The following CNTN5 variants were observed in gnomAD, a reference collection of about 807,000 sequenced individuals.
CNTN5 encodes the protein contactin 5.
CNTN5 carries 77 observed loss-of-function variants against 129.1 expected under a neutral mutation model. The ratio of observed to expected loss-of-function variants is 0.60; its 90% CI spans 0.50 to 0.72. The LOEUF (loss-of-function observed/expected upper bound fraction) is 0.72, where lower values mean the gene tolerates loss of function less well. Among genes scored for constraint, CNTN5 ranks in the 30% least tolerant of loss-of-function variants. The probability of loss-of-function intolerance (pLI) is 0.00; values close to 1 mark genes in which losing one functional copy is unlikely to be tolerated. For synonymous variants in CNTN5, 509 were observed against 465.6 expected, an observed-to-expected ratio of 1.09 and a Z score of -1.20; for missense variants, 1,478 against 1,328.8, an observed-to-expected ratio of 1.11 and a Z score of -1.75.
intron 1 of CNTN5, among the ~76,000 whole-genome samples, chr11:99,213,405 CATAT>C (rs1591367532): frequency 1.7e-5 from 2 of 118,022 alleles, no homozygotes; most frequent in Non-Finnish European, 1.7e-5. Context: ...TATATATACA[CATAT>C]ATGTATATAC....
chr11:99,122,624 TACAG>T (rs1008143902), intron 1 of CNTN5, among the ~76,000 whole-genome samples: 2 of 152,120 alleles, frequency 1.3e-5, no homozygotes, highest in Non-Finnish European at 2.9e-5. Context: ...GGGTTTAGTA[TACAG>T]ATTATTTAGT....
At chr11:99,331,933 G>A (rs1030159931) in intron 2 of CNTN5, among the ~76,000 whole-genome samples, 3 of 151,972 alleles carry the variant, frequency 2.0e-5, no homozygotes, top group Admixed American at 6.6e-5. Flanking sequence ...ACCATCAAGA[G>A]AATAATGAAT....
chr11:99,320,772 T>G (rs76637955), intron 1 of CNTN5, among the ~76,000 whole-genome samples: 2,029 of 152,320 alleles, frequency 0.013, 41 homozygotes, highest in African/African-American at 0.045. Flanking sequence ...GTGTGATGGC[T>G]AATTTTATGT....
Position 99,246,183 on chromosome 11 carries a change from G to A in CNTN5, c.-209-79163G>A, listed in dbSNP as rs145392676. Among the ~76,000 whole-genome samples, 69 of 152,262 alleles carry A rather than the reference G, an allele frequency of 4.5e-4. 1 individual carries two copies. In the East Asian group the frequency reaches 0.012, roughly 26 times the overall value. On this transcript the variant is annotated intron_variant, in intron 1 of 24. Coordinates refer to ENST00000524871, the MANE Select transcript of CNTN5 (RefSeq NM_014361.4). Reference sequence around the variant, plus strand: ...CACATGTCACAAATTTAACTGGAGAGGTAGTTGTTATCTAATGAACGCATT... The same window carrying A: ...CACATGTCACAAATTTAACTGGAGAAGTAGTTGTTATCTAATGAACGCATT...
chr11:99,600,165 G>C (rs1213787849), intron 3 of CNTN5, among the ~76,000 whole-genome samples: 1 of 151,990 alleles, frequency 6.6e-6, no homozygotes, highest in Non-Finnish European at 1.5e-5. Flanking sequence ...TGAGTACCCT[G>C]ATTTTTTAAT....
At chr11:99,790,797 A>C (rs985564919) in intron 3 of CNTN5, among the ~76,000 whole-genome samples, 2 of 152,130 alleles carry the variant, frequency 1.3e-5, no homozygotes, top group African/African-American at 4.8e-5. Flanking sequence ...AGCAACATAT[A>C]AGCCATCCCT....
At chr11:99,864,535 T>G (rs1038406518) in intron 6 of CNTN5, among the ~76,000 whole-genome samples, 2 of 152,132 alleles carry the variant, frequency 1.3e-5, no homozygotes, top group Non-Finnish European at 2.9e-5. Context: ...ACAAACCCAC[T>G]TGCCCATTAG....
chr11:99,102,254 G>A (rs1427778507), intron 1 of CNTN5, among the ~76,000 whole-genome samples: 3 of 151,606 alleles, frequency 2.0e-5, no homozygotes, highest in African/African-American at 4.9e-5. Context: ...CTCTTGGTCA[G>A]TGATGGGAGG....
intron 4 of CNTN5, among the ~76,000 whole-genome samples, chr11:99,831,993 C>A (rs1381467474): frequency 2.6e-5 from 4 of 152,130 alleles, no homozygotes; most frequent in Non-Finnish European, 5.9e-5. Context: ...CACTGAGTTC[C>A]TTATCTTCAA....
chr11:99,718,186 T>C (rs931096842), intron 3 of CNTN5, among the ~76,000 whole-genome samples: 1 of 152,158 alleles, frequency 6.6e-6, no homozygotes, highest in African/African-American at 2.4e-5. Flanking sequence ...TGATTGTTAT[T>C]CTAAGCCTTT....
chr11:100,261,410 C>T (rs918670248), intron 17 of CNTN5, among the ~76,000 whole-genome samples: 9 of 152,186 alleles, frequency 5.9e-5, no homozygotes, highest in Non-Finnish European at 1.0e-4. Context: ...CCTCATCAAG[C>T]TGTCATTGAC....
chr11:100,309,121 C>T (rs1184982156), intron 21 of CNTN5: 3 of 984,968 alleles, frequency 3.0e-6, no homozygotes, highest in South Asian at 4.7e-5. Context: ...TTGTTCTTGC[C>T]TTGCTTGGCC....
rs772414337 is a variant in CNTN5 at position 99,841,824 on chromosome 11, G to GTA, written c.278-3017_278-3016dup. Among the ~76,000 whole-genome samples the GTA allele has an allele frequency of 4.8e-4, 66 of 138,436 alleles. No homozygotes were observed. In the East Asian group the frequency reaches 5.8e-3, roughly 12 times the overall value. The allele number at this position is 138,436 out of a possible 152,430, so 90.8% of individuals were successfully genotyped here. On this transcript the variant is annotated intron_variant, in intron 4 of 24. Coordinates refer to ENST00000524871, the MANE Select transcript of CNTN5 (RefSeq NM_014361.4). ...ATGTGGTGTGTGTGTATATATGTGT[G>GTA]TATATATATATACACACACACACAC...
intron 9 of CNTN5, among the ~76,000 whole-genome samples, chr11:100,007,066 T>C (rs1940239065): frequency 6.6e-6 from 1 of 152,124 alleles, no homozygotes; most frequent in Non-Finnish European, 1.5e-5. Flanking sequence ...GCATTGTCAA[T>C]GGACAGTATT....
intron 18 of CNTN5, among the ~76,000 whole-genome samples, chr11:100,294,215 TA>T (rs1375794908): frequency 6.6e-6 from 1 of 151,776 alleles, no homozygotes; most frequent in Non-Finnish European, 1.5e-5. Flanking sequence ...ATGATTTCAT[TA>T]CATTTTATTT....
At position 99,193,182 on chromosome 11, in the gene CNTN5, CAG is replaced by C. The variant is rs56807915; in HGVS notation, c.-209-132163_-209-132162del. The stretch of plus-strand genomic sequence containing the variant: ...AAATTCACGTTTCTTATCACTATGA[CAG>C]GGGATAATATACAAAGCTCTATCTT... On this transcript the variant is annotated intron_variant, in intron 1 of 24. Transcript: ENST00000524871. 3.8e-3 allele frequency among the ~76,000 whole-genome samples: 584 copies of C among 151,990 alleles called. 1 individual carries two copies. The highest frequency in any genetic ancestry group is 0.013 in the African/African-American group (532 of 41,486).
At chr11:99,371,292 C>T (rs565790223) in intron 2 of CNTN5, among the ~76,000 whole-genome samples, 67 of 151,848 alleles carry the variant, frequency 4.4e-4, no homozygotes, top group Non-Finnish European at 7.5e-4. Flanking sequence ...TAATTATATA[C>T]ACACAACTTA....
At chr11:100,217,211 A>G (rs1949155956) in intron 15 of CNTN5, among the ~76,000 whole-genome samples, 1 of 152,132 alleles carries the variant, frequency 6.6e-6, no homozygotes, top group African/African-American at 2.4e-5. Flanking sequence ...ATCTTGTAGC[A>G]TGTGTAGATC....
chr11:100,158,271 G>T (rs888833989), intron 13 of CNTN5, among the ~76,000 whole-genome samples: 1 of 151,744 alleles, frequency 6.6e-6, no homozygotes, highest in Non-Finnish European at 1.5e-5. Context: ...TTGGTCAAAG[G>T]ATACAAATTG....
Sources: allele counts gnomAD v4.1 joint callset (sites outside exome capture counted in the v4.1 genomes callset), GRCh38; gene constraint gnomAD v4.1.1; transcripts MANE v1.5; gene names NCBI Gene and HGNC (gene_info 2026-07-23, HGNC 2026-07-21).